TTPA: variants seen among roughly 807,000 people sequenced by gnomAD.
TTPA encodes alpha tocopherol transfer protein, also known as alpha-tocopherol transfer protein.
TTPA carries 23 observed loss-of-function variants against 25.9 expected under a neutral mutation model. That is an observed-to-expected ratio of 0.89 (90% CI 0.64 to 1.26). TTPA has a LOEUF of 1.26. Ranked by LOEUF, TTPA falls within the 50% of genes most tolerant of loss-of-function variation. The pLI, the probability that TTPA is intolerant of heterozygous loss-of-function variation, is 0.00. For synonymous variants in TTPA, 148 were observed against 137.3 expected (o/e 1.08, Z -0.54); for missense variants, 337 against 353.1 (o/e 0.95, Z 0.37).
intron 2 of TTPA, among the ~76,000 whole-genome samples, chr8:63,069,518 C>A (rs984654472): frequency 2.0e-5 from 3 of 151,766 alleles, no homozygotes; most frequent in Non-Finnish European, 4.4e-5. Context: ...TTGCTTGAGG[C>A]CAGGAGTGAG....
rs555070491 is a variant in TTPA, at chr8:63,061,275, T to G, written c.814A>C (p.Ser272Arg). ...TCTCATTGAATGCTCTCAGAAATGC[T>G]GCTGAGATAATCTTCAGACTTCATT... ...FIMKSEDYLS[S>R]ISESIQ Residue 272 changes from serine to arginine, a missense_variant, in exon 5 of 5, where the codon AGC becomes CGC. Coordinates refer to ENST00000260116, the MANE Select transcript of TTPA (RefSeq NM_000370.3). The G allele has an allele frequency of 1.5e-5, 25 of 1,613,752 alleles. No individual in the cohort carries two copies. The South Asian group carries it at 2.7e-4, about 18-fold the overall frequency.
intron 1 of TTPA, among the ~76,000 whole-genome samples, 183 bp downstream of exon 1, chr8:63,085,635 C>G (rs1805736261): frequency 6.6e-6 from 1 of 152,224 alleles, no homozygotes; most frequent in Non-Finnish European, 1.5e-5. Flanking sequence ...ACTGGAGGAC[C>G]AGCTCTGGAT....
chr8:63,062,127 G>A (rs1805316463), intron 4 of TTPA, among the ~76,000 whole-genome samples: 1 of 151,924 alleles, frequency 6.6e-6, no homozygotes, highest in Non-Finnish European at 1.5e-5. Context: ...CCCAGGAGGT[G>A]GAGGTTGCAG....
chr8:63,076,039 TAA>T (rs1233287543), intron 1 of TTPA, among the ~76,000 whole-genome samples: 1 of 152,340 alleles, frequency 6.6e-6, no homozygotes, highest in East Asian at 1.9e-4. Context: ...GTTTTAAATA[TAA>T]GAGGCAAGTG....
At chr8:63,065,613 T>C (rs753924074) in intron 3 of TTPA, among the ~76,000 whole-genome samples, 8 of 152,182 alleles carry the variant, frequency 5.3e-5, no homozygotes, top group Non-Finnish European at 8.8e-5. Flanking sequence ...AATCAATTTT[T>C]AATTTAGGAA....
intron 1 of TTPA, among the ~76,000 whole-genome samples, chr8:63,073,567 G>A (rs1029963198): frequency 1.3e-5 from 2 of 152,184 alleles, no homozygotes; most frequent in African/African-American, 4.8e-5. Flanking sequence ...AGCAATTCAT[G>A]TGGAGAGAGG....
chr8:63,082,932 A>G (rs28760056), intron 1 of TTPA, among the ~76,000 whole-genome samples: 32,450 of 152,194 alleles, frequency 0.21, 4,385 homozygotes, highest in South Asian at 0.35. Flanking sequence ...CAAAACCACA[A>G]TGAGATACTA....
intron 1 of TTPA, among the ~76,000 whole-genome samples, chr8:63,083,511 A>G (rs1453340218): frequency 1.3e-5 from 2 of 152,144 alleles, no homozygotes; most frequent in Non-Finnish European, 2.9e-5. Flanking sequence ...GGGGAGGGAT[A>G]GCATTAGGAG....
chr8:63,072,620 T>C (rs1805500162), intron 2 of TTPA, among the ~76,000 whole-genome samples: 1 of 152,236 alleles, frequency 6.6e-6, no homozygotes, highest in Non-Finnish European at 1.5e-5. Context: ...ACACTATTCA[T>C]CTTCACTATT....
chr8:63,058,931 C>T (rs1185032160), downstream of TTPA, among the ~76,000 whole-genome samples: 4 of 125,700 alleles, frequency 3.2e-5, no homozygotes, highest in Admixed American at 3.1e-4. Flanking sequence ...TGATTTTGTT[C>T]TTTTATTATT....
intron 1 of TTPA, among the ~76,000 whole-genome samples, chr8:63,077,606 G>A (rs1400870354): frequency 1.3e-5 from 2 of 152,244 alleles, no homozygotes; most frequent in African/African-American, 2.4e-5. Flanking sequence ...CTGGCTGGGG[G>A]AGGGGCATCT....
rs201765695 is a variant in TTPA, at chr8:63,080,730, A to AT, written c.204+5087_204+5088insA. On this transcript the variant is annotated intron_variant, in intron 1 of 4. Transcript: ENST00000260116. Reference sequence around the variant, plus strand: ...GCGAGACTCCGTATCAAAAAAAAAAAAAAAATAAATAATAATAATAATAAA... The same window carrying AT: ...GCGAGACTCCGTATCAAAAAAAAAAATAAAAATAAATAATAATAATAATAAA... Among the ~76,000 whole-genome samples, 781 of 147,978 alleles carry AT rather than the reference A, an allele frequency of 5.3e-3. 9 individuals carry two copies. Among genetic ancestry groups the AT allele is most frequent in the African/African-American group, 0.019 (743 of 39,434 alleles).
In TTPA at chr8:63,060,442, G is replaced by T. The variant is rs920146723; in HGVS notation, c.*810C>A. The T allele has an allele frequency of 3.3e-5, 5 of 152,184 alleles. No homozygotes were observed. The highest frequency in any genetic ancestry group is 2.9e-5 in the Non-Finnish European group (2 of 68,052). 9.4% of individuals were successfully genotyped at this position (152,184 alleles called of 1,614,324 possible). On this transcript the variant is annotated 3_prime_UTR_variant, in exon 5 of 5. Coordinates refer to ENST00000260116, the MANE Select transcript of TTPA (RefSeq NM_000370.3). ...AGCTGAAAGTTTCTATCACGGCCAG[G>T]CGCGATGGCTCACGACTGTAATCCC...
At chr8:63,075,535 T>C (rs1027502072) in intron 1 of TTPA, among the ~76,000 whole-genome samples, 18 of 151,874 alleles carry the variant, frequency 1.2e-4, no homozygotes, top group African/African-American at 4.1e-4. Flanking sequence ...CTGGCCAATA[T>C]GGTGAAACCC....
intron 4 of TTPA, among the ~76,000 whole-genome samples, chr8:63,062,067 G>A (rs1166265763): frequency 2.0e-5 from 3 of 151,932 alleles, no homozygotes; most frequent in Non-Finnish European, 4.4e-5. Flanking sequence ...TGGTGGTGCA[G>A]GACTGTAGTC....
At position 63,085,847 on chromosome 8, in the gene TTPA, G is replaced by T; in HGVS notation, c.175C>A (p.Arg59=). 1 of 1,536,696 alleles carries T rather than the reference G, an allele frequency of 6.5e-7. No homozygotes were observed. Residue 59 remains arginine (R), a synonymous_variant, in exon 1 of 5, where the codon CGG becomes AGG. Transcript: ENST00000260116. ...DSFLLRFLRA[R]DFDLDLAWRL... ...CAGGCCAGGTCCAGATCGAAATCCC[G>T]GGCGCGCAGGAACCGCAGCAGGAAG... is the stretch of plus-strand genomic sequence containing the variant.
intron 1 of TTPA, among the ~76,000 whole-genome samples, chr8:63,074,997 T>G (rs1451454631): frequency 6.6e-6 from 1 of 152,204 alleles, no homozygotes; most frequent in Non-Finnish European, 1.5e-5. Context: ...GAGGCACAAA[T>G]CACTATCTCG....
At chr8:63,082,783 A>G (rs1323544304) in intron 1 of TTPA, among the ~76,000 whole-genome samples, 1 of 152,232 alleles carries the variant, frequency 6.6e-6, no homozygotes, top group Non-Finnish European at 1.5e-5. Flanking sequence ...AAGGAACTTA[A>G]ACAAATTTAC....
At chr8:63,064,089 A>T in intron 4 of TTPA, 117 bp downstream of exon 4, 1 of 681,062 alleles carries the variant, frequency 1.5e-6, no homozygotes, top group East Asian at 2.8e-5. Flanking sequence ...TATTCAAAAT[A>T]TTGGGCTAAT....
Sources: allele counts gnomAD v4.1 joint callset (sites outside exome capture counted in the v4.1 genomes callset), GRCh38; gene constraint gnomAD v4.1.1; transcripts MANE v1.5; gene names NCBI Gene and HGNC (gene_info 2026-07-23, HGNC 2026-07-21).